Variants in ARL15 observed in about 807,000 individuals in gnomAD.
The protein encoded by ARL15 is ARF like GTPase 15.
ARL15 carries 19 observed loss-of-function variants against 25.2 expected under a neutral mutation model. That is an observed-to-expected ratio of 0.75 (90% confidence interval 0.53 to 1.10). ARL15 has a LOEUF of 1.10. ARL15 is among the 50% of genes least tolerant of loss of function. The probability of loss-of-function intolerance (pLI) is 0.00; values close to 1 mark genes in which losing one functional copy is unlikely to be tolerated. For missense variants in ARL15, 220 were observed against 246.0 expected (o/e 0.89, Z 0.71); for synonymous variants, 94 against 86.8 (o/e 1.08, Z -0.46).
At chr5:54,003,707 T>C (rs4323192) in intron 4 of ARL15, among the ~76,000 whole-genome samples, 2,375 of 151,714 alleles carry the variant, frequency 0.016, 60 homozygotes, top group African/African-American at 0.055. Flanking sequence ...TATCTATCTA[T>C]CTATCTATCT....
At chr5:54,072,714 C>A (rs564062159) in intron 4 of ARL15, among the ~76,000 whole-genome samples, 8 of 152,266 alleles carry the variant, frequency 5.3e-5, no homozygotes, top group South Asian at 4.1e-4. Context: ...GAAGATACTG[C>A]ATTAGGGAAA....
Position 54,172,004 on chromosome 5 carries a change from T to C in ARL15, c.49-76A>G, listed in dbSNP as rs1464522168. On this transcript the variant is annotated intron_variant, in intron 1 of 4. Coordinates refer to ENST00000504924, the MANE Select transcript of ARL15 (RefSeq NM_019087.3). ...AAACCATAGTCACATTTAAAATGACTGAGTAAGTATTAAGAGGTAATTGAA... is the reference window on the plus strand; with the variant it reads ...AAACCATAGTCACATTTAAAATGACCGAGTAAGTATTAAGAGGTAATTGAA... The C allele has an allele frequency of 3.3e-6, 5 of 1,526,044 alleles. No individual in the cohort carries two copies. The African/African-American group carries it at 4.1e-5, about 13-fold the overall frequency. The allele number at this position is 1,526,044 out of a possible 1,614,324, so 94.5% of individuals were successfully genotyped here. A position where few individuals can be genotyped will look rare whatever the true frequency, so the allele number is the denominator to read the frequency against.
chr5:54,090,147 T>C (rs543451527), intron 4 of ARL15, among the ~76,000 whole-genome samples: 1 of 152,184 alleles, frequency 6.6e-6, no homozygotes, highest in African/African-American at 2.4e-5. Context: ...GTTTGTAATG[T>C]CCAAATAATG....
At chr5:54,192,435 T>C (rs1755431194) in intron 1 of ARL15, among the ~76,000 whole-genome samples, 1 of 152,076 alleles carries the variant, frequency 6.6e-6, no homozygotes, top group South Asian at 2.1e-4. Context: ...ACGGCAAGAT[T>C]TTTTACAATT....
chr5:54,071,582 T>G (rs1751425289), intron 4 of ARL15, among the ~76,000 whole-genome samples: 2 of 145,618 alleles, frequency 1.4e-5, no homozygotes, highest in South Asian at 4.5e-4. Flanking sequence ...CTCAAAGGAA[T>G]TTTTGGTACA....
chr5:54,129,507 T>G (rs1235019561), intron 3 of ARL15, among the ~76,000 whole-genome samples: 2 of 152,016 alleles, frequency 1.3e-5, no homozygotes, highest in African/African-American at 4.8e-5. Context: ...ATTAAAAAAT[T>G]AAACGAGAAG....
chr5:54,012,155 A>G (rs1749264409), intron 4 of ARL15, among the ~76,000 whole-genome samples: 1 of 152,368 alleles, frequency 6.6e-6, no homozygotes, highest in Admixed American at 6.5e-5. Flanking sequence ...TTAAAATGGC[A>G]TGCAAACATT....
chr5:54,267,253 A>G (rs1757653167), intron 1 of ARL15, among the ~76,000 whole-genome samples: 1 of 152,042 alleles, frequency 6.6e-6, no homozygotes, highest in Admixed American at 6.5e-5. Context: ...CACCACACCC[A>G]GCTAATTTTT....
chr5:54,071,784 A>C (rs1447530208), intron 4 of ARL15, among the ~76,000 whole-genome samples: 1 of 152,014 alleles, frequency 6.6e-6, no homozygotes, highest in African/African-American at 2.4e-5. Flanking sequence ...ATCCTGGCTA[A>C]CACGGTGAAA....
At chr5:54,261,153 C>G (rs966174486) in intron 1 of ARL15, among the ~76,000 whole-genome samples, 2 of 152,130 alleles carry the variant, frequency 1.3e-5, no homozygotes, top group Non-Finnish European at 2.9e-5. Flanking sequence ...ACACATGGTA[C>G]AACTGGTCAT....
intron 1 of ARL15, among the ~76,000 whole-genome samples, chr5:54,275,428 A>C (rs1757902564): frequency 6.6e-6 from 1 of 152,104 alleles, no homozygotes; most frequent in Non-Finnish European, 1.5e-5. Flanking sequence ...GGCAACTGGG[A>C]TGTGAGGGCA....
At chr5:54,158,330 T>C (rs1754301034) in intron 2 of ARL15, among the ~76,000 whole-genome samples, 1 of 152,178 alleles carries the variant, frequency 6.6e-6, no homozygotes, top group African/African-American at 2.4e-5. Context: ...TTTTTCTGAG[T>C]CCATGTTTTT....
At chr5:53,898,480 T>G (rs1016094875) in intron 4 of ARL15, among the ~76,000 whole-genome samples, 4 of 152,196 alleles carry the variant, frequency 2.6e-5, no homozygotes, top group South Asian at 4.1e-4. Flanking sequence ...TTACTTGTTA[T>G]AGGTCTAATT....
At chr5:54,183,164 C>T (rs1383773471) in intron 1 of ARL15, among the ~76,000 whole-genome samples, 2 of 95,672 alleles carry the variant, frequency 2.1e-5, no homozygotes, top group African/African-American at 3.6e-5. Context: ...CTTATTGCCC[C>T]AGCCAGAACT....
At chr5:54,034,035 G>C (rs780368074) in intron 4 of ARL15, among the ~76,000 whole-genome samples, 2 of 152,022 alleles carry the variant, frequency 1.3e-5, no homozygotes, top group Non-Finnish European at 2.9e-5. Context: ...GGATGGTCTC[G>C]ATCTCCTGAC....
intron 3 of ARL15, among the ~76,000 whole-genome samples, chr5:54,126,101 T>C (rs1245015498): frequency 6.6e-6 from 1 of 152,192 alleles, no homozygotes; most frequent in East Asian, 1.9e-4. Context: ...GAATTACCTC[T>C]GCTGATATTC....
rs1176333875 is a variant in ARL15 at position 54,155,796 on chromosome 5, G to A, written c.194-1157C>T. On this transcript the variant is annotated intron_variant, in intron 2 of 4. Coordinates refer to ENST00000504924, the MANE Select transcript of ARL15 (RefSeq NM_019087.3). ...TGACTCTCAGGAAAACTGGGAATCT[G>A]GAAATTTTAAATAGGAGGAAGATTC... is the stretch of plus-strand genomic sequence containing the variant. Among the ~76,000 whole-genome samples the A allele has an allele frequency of 2.6e-5, 4 of 152,032 alleles. 1 individual carries two copies. The East Asian group carries it at 5.8e-4, about 22-fold the overall frequency.
In ARL15 at chr5:54,042,873, C is replaced by A. The variant is rs73754422; in HGVS notation, c.462+70329G>T. ...GGCCTTCTTTCCTGCTTGGAGAAGG[C>A]AGCTTTGCTTTTATCTCTTTTTCAT... On this transcript the variant is annotated intron_variant, in intron 4 of 4. Coordinates refer to ENST00000504924, the MANE Select transcript of ARL15 (RefSeq NM_019087.3). Among the ~76,000 whole-genome samples the A allele has an allele frequency of 6.1e-3, 932 of 152,132 alleles. 15 individuals are homozygous for A. Among genetic ancestry groups the A allele is most frequent in the African/African-American group, 0.021 (880 of 41,502 alleles).
intron 4 of ARL15, among the ~76,000 whole-genome samples, chr5:53,967,224 A>G (rs1332321830): frequency 6.6e-6 from 1 of 152,168 alleles, no homozygotes; most frequent in African/African-American, 2.4e-5. Context: ...TGTATTTTCT[A>G]ACTTTTCCAA....
Sources: allele counts gnomAD v4.1 joint callset (sites outside exome capture counted in the v4.1 genomes callset), GRCh38; gene constraint gnomAD v4.1.1; transcripts MANE v1.5; gene names NCBI Gene and HGNC (gene_info 2026-07-23, HGNC 2026-07-21).